The following BLTP1 variants were observed in gnomAD, a reference collection of about 807,000 sequenced individuals.
The protein encoded by BLTP1 is bridge-like lipid transfer protein family member 1.
chr4:122,298,187 T>C, the BLTP1 span: 1 of 785,760 alleles, frequency 1.3e-6, no homozygotes, highest in South Asian at 5.8e-5. Flanking sequence ...TATTATTTAA[T>C]TGAATAAATA....
the BLTP1 span, chr4:122,281,937 C>G: frequency 1.0e-6 from 1 of 982,202 alleles, no homozygotes; most frequent in Non-Finnish European, 1.2e-6. Flanking sequence ...GTAAAAATAT[C>G]AATCCCCCAC....
At chr4:122,337,062 G>T in the BLTP1 span, 1 of 1,508,014 alleles carries the variant, frequency 6.6e-7, no homozygotes, top group Admixed American at 1.9e-5. Flanking sequence ...AAAGAGAAAT[G>T]TTTTTCTTAA....
the BLTP1 span, among the ~76,000 whole-genome samples, chr4:122,177,264 C>G: frequency 6.6e-6 from 1 of 152,316 alleles, no homozygotes; most frequent in East Asian, 1.9e-4. Flanking sequence ...AGGTCATCAT[C>G]AAATCTTGTC....
the BLTP1 span, chr4:122,231,773 AT>A: frequency 1.0e-6 from 1 of 973,936 alleles, no homozygotes; most frequent in Non-Finnish European, 1.2e-6. Flanking sequence ...CGACATATTC[AT>A]TTCTCTGTTT....
At chr4:122,224,569 C>T in the BLTP1 span, 136 of 1,613,658 alleles carry the variant, frequency 8.4e-5, no homozygotes, top group Middle Eastern at 2.0e-3. Flanking sequence ...TGAGAGCACA[C>T]GCTATGTTCT....
chr4:122,204,620 A>G, the BLTP1 span: 1 of 973,324 alleles, frequency 1.0e-6, no homozygotes, highest in Middle Eastern at 5.3e-4. Context: ...CAGAGAGGAT[A>G]TGAAAGACAG....
chr4:122,226,355 A>C, the BLTP1 span: 2 of 999,668 alleles, frequency 2.0e-6, no homozygotes, highest in Non-Finnish European at 2.4e-6. Flanking sequence ...TGATTGGAGA[A>C]TTTTAGGTGC....
the BLTP1 span, chr4:122,238,501 G>A: frequency 1.6e-6 from 1 of 634,740 alleles, no homozygotes; most frequent in Non-Finnish European, 2.7e-6. Flanking sequence ...TCAGTTTGCT[G>A]TTGTCTGATT....
At chr4:122,343,546 T>C in the BLTP1 span, 2 of 1,613,914 alleles carry the variant, frequency 1.2e-6, no homozygotes, top group African/African-American at 2.7e-5. Flanking sequence ...ATGTATTTCA[T>C]CCATATGGAG....
chr4:122,336,496 A>G, the BLTP1 span: 1 of 763,840 alleles, frequency 1.3e-6, no homozygotes, highest in Non-Finnish European at 1.9e-6. Flanking sequence ...AAAGAACTTG[A>G]GAGATCATCT....
the BLTP1 span, chr4:122,207,336 T>G: frequency 7.0e-7 from 1 of 1,434,494 alleles, no homozygotes; most frequent in East Asian, 2.3e-5. Context: ...AAAATTAGTA[T>G]TGATTTGATA....
chr4:122,336,008 G>A, the BLTP1 span: 1 of 481,306 alleles, frequency 2.1e-6, no homozygotes, highest in Non-Finnish European at 3.6e-6. Context: ...CTTATTATAT[G>A]TTATTAATCG....
At chr4:122,216,651 T>G in the BLTP1 span, among the ~76,000 whole-genome samples, 2 of 152,200 alleles carry the variant, frequency 1.3e-5, no homozygotes, top group Non-Finnish European at 2.9e-5. Flanking sequence ...TCCCTGTAAA[T>G]TCTGTATATT....
At chr4:122,267,051 A>AGTTTTTTTTTTTTTTTTTTTTTTTTTT in the BLTP1 span, 1 of 138,564 alleles carries the variant, frequency 7.2e-6, no homozygotes, top group African/African-American at 7.0e-5. Context: ...TAAGGAAGTA[A>AGTTTTTTTTTTTTTTTTTTTTTTTTTT]TTTTTTTTTT....
the BLTP1 span, chr4:122,239,680 A>T: frequency 2.5e-6 from 4 of 1,614,162 alleles, no homozygotes; most frequent in Non-Finnish European, 3.4e-6. Context: ...GGGGACAAGC[A>T]GCCTGTAACA....
the BLTP1 span, chr4:122,325,932 C>A: frequency 1.1e-6 from 1 of 870,912 alleles, no homozygotes; most frequent in Non-Finnish European, 1.6e-6. Context: ...TTACTAAGAA[C>A]AATATAAATT....
the BLTP1 span, among the ~76,000 whole-genome samples, chr4:122,292,134 C>T: frequency 6.6e-6 from 1 of 152,048 alleles, no homozygotes; most frequent in Non-Finnish European, 1.5e-5. Flanking sequence ...CCACACCCAG[C>T]TATTTTTTGT....
the BLTP1 span, chr4:122,313,862 TATATATATATATATAAATATATAC>T: frequency 7.5e-6 from 1 of 133,946 alleles, no homozygotes; most frequent in Non-Finnish European, 1.5e-5. Context: ...ACTGTGTGTT[TATATATATATATATAAATATATAC>T]ATATATATAT....
the BLTP1 span, chr4:122,347,252 ATAGAGG>A: frequency 1.0e-6 from 1 of 982,772 alleles, no homozygotes; most frequent in South Asian, 4.7e-5. Context: ...AGTCAGTTAC[ATAGAGG>A]TAAATTTGAG....
Sources: gnomAD v4.1 joint callset for allele counts (sites outside exome capture counted in the v4.1 genomes callset) on GRCh38, gnomAD v4.1.1 for gene constraint, MANE v1.5 for transcripts, NCBI Gene and HGNC (gene_info 2026-07-23, HGNC 2026-07-21) for gene names.